The following ATP2C2 variants were observed in gnomAD, a reference collection of about 807,000 sequenced individuals.
The protein encoded by ATP2C2 is ATPase secretory pathway Ca2+ transporting 2.
In ATP2C2, 171 loss-of-function variants were observed where a neutral mutation model predicts 110.8. The observed-to-expected ratio is 1.54, with a 90% CI of 1.36 to 1.75. ATP2C2 has a LOEUF of 1.75. Ranked by LOEUF, ATP2C2 falls within the 40% of genes most tolerant of loss-of-function variation. The pLI is 0.00. For missense variants in ATP2C2, 1,963 were observed against 1,235.0 expected, an observed-to-expected ratio of 1.59 and a Z score of -8.84; for synonymous variants, 804 against 508.4, an observed-to-expected ratio of 1.58 and a Z score of -7.82.
chr16:84,455,059 T>A (rs996557780), intron 21 of ATP2C2, 75 bp downstream of exon 21: 7 of 1,339,902 alleles, frequency 5.2e-6, no homozygotes, highest in Non-Finnish European at 6.1e-6. Context: ...AACCTGCTAC[T>A]GTGGAGATAG....
At chr16:84,451,726 T>G (rs1328026015) in intron 17 of ATP2C2, among the ~76,000 whole-genome samples, 195 bp from the exon 18 acceptor site, 2 of 152,134 alleles carry the variant, frequency 1.3e-5, no homozygotes. Context: ...TAATCCCAGC[T>G]ACTCAAGAGG....
chr16:84,460,797 A>G lies in ATP2C2; in HGVS notation c.2477A>G (p.Lys826Arg). 2.5e-6 allele frequency: 4 copies of G among 1,611,956 alleles called. No homozygotes were observed. Among genetic ancestry groups the G allele is most frequent in the Non-Finnish European group, 3.4e-6 (4 of 1,178,350 alleles). ...AGCGGGACCCTCTTTATCTTCTGGAAGGAGGTGAGCGAGGGTCACCCCGGC... is the reference window on the plus strand; with the variant it reads ...AGCGGGACCCTCTTTATCTTCTGGAGGGAGGTGAGCGAGGGTCACCCCGGC... ...IISGTLFIFW[K>R]EMPEDRASTP... The change falls in exon 24 of 27, where the codon AAG becomes AGG. Residue 826 changes from lysine (K) to arginine (R), a missense_variant. Physicochemically the swap from Lys to Arg is conservative, Grantham distance 26. Transcript: ENST00000262429.
intron 1 of ATP2C2, among the ~76,000 whole-genome samples, chr16:84,394,578 G>A (rs922458670): frequency 2.0e-5 from 3 of 152,066 alleles, no homozygotes; most frequent in Non-Finnish European, 4.4e-5. Flanking sequence ...TAAATGTATT[G>A]TCTCACAGTT....
chr16:84,413,564 T>C (rs1906577433), intron 6 of ATP2C2, among the ~76,000 whole-genome samples: 1 of 152,216 alleles, frequency 6.6e-6, no homozygotes, highest in Non-Finnish European at 1.5e-5. Flanking sequence ...AAATGATTTA[T>C]GTGATTTGAT....
At chr16:84,372,667 G>C (rs1415868435) in intron 1 of ATP2C2, among the ~76,000 whole-genome samples, 1 of 151,616 alleles carries the variant, frequency 6.6e-6, no homozygotes, top group Non-Finnish European at 1.5e-5. Context: ...CTCATGATCC[G>C]CCTGCCTCAG....
intron 7 of ATP2C2, among the ~76,000 whole-genome samples, chr16:84,420,564 G>A (rs71386833): frequency 0.17 from 25,488 of 150,954 alleles, 2,250 homozygotes; most frequent in South Asian, 0.26. Context: ...CCCCTCACCC[G>A]GGATCCCCTC....
chr16:84,437,225 C>G (rs1049341116), intron 11 of ATP2C2, among the ~76,000 whole-genome samples: 2 of 152,062 alleles, frequency 1.3e-5, no homozygotes, highest in Admixed American at 1.3e-4. Context: ...TCTCACTCTG[C>G]TACATAGGCT....
At position 84,439,417 on chromosome 16, in the gene ATP2C2, G is replaced by T. The variant is rs145163175; in HGVS notation, c.1112-10G>T. 6.9e-5 allele frequency: 112 copies of T among 1,614,036 alleles called. No individual in the cohort carries two copies. In the East Asian group the frequency reaches 2.3e-3, roughly 34 times the overall value. On this transcript the variant is annotated splice_polypyrimidine_tract_variant and intron_variant, in intron 12 of 26. Coordinates refer to ENST00000262429, the MANE Select transcript of ATP2C2 (RefSeq NM_014861.4). ...ACTTCTCTTCTATAAACTGGTGTTT[G>T]TTGTACCAGGTTGCTGCAGCGTTCT...
intron 1 of ATP2C2, among the ~76,000 whole-genome samples, chr16:84,376,565 C>A (rs1910263073): frequency 6.7e-6 from 1 of 150,018 alleles, no homozygotes; most frequent in African/African-American, 2.5e-5. Flanking sequence ...CATCAGCTAT[C>A]ATTGGTATTA....
intron 6 of ATP2C2, among the ~76,000 whole-genome samples, chr16:84,411,946 T>C (rs1223085229): frequency 6.6e-6 from 1 of 151,216 alleles, no homozygotes; most frequent in Non-Finnish European, 1.5e-5. Flanking sequence ...TTCTTTTCTT[T>C]TCTTTCTTTT....
intron 25 of ATP2C2, 27 bp downstream of exon 25, chr16:84,461,839 T>C: frequency 6.2e-7 from 1 of 1,610,618 alleles, no homozygotes; most frequent in East Asian, 2.2e-5. Context: ...CCCTCCTCGC[T>C]GCAGAGCTGC....
chr16:84,387,304 C>G (rs902409897), intron 1 of ATP2C2, among the ~76,000 whole-genome samples: 2 of 151,986 alleles, frequency 1.3e-5, no homozygotes, highest in Non-Finnish European at 2.9e-5. Flanking sequence ...AGTGGATCAC[C>G]TAAACTCAGG....
chr16:84,451,343 G>C (rs1001659369), intron 17 of ATP2C2, among the ~76,000 whole-genome samples: 1 of 152,140 alleles, frequency 6.6e-6, no homozygotes, highest in Non-Finnish European at 1.5e-5. Flanking sequence ...ATGAGATTTG[G>C]GTGGGGACAC....
intron 2 of ATP2C2, among the ~76,000 whole-genome samples, chr16:84,399,111 C>T (rs577168275): frequency 6.6e-6 from 1 of 152,198 alleles, no homozygotes; most frequent in African/African-American, 2.4e-5. Context: ...CTGGCCAGTG[C>T]AAGACAAACA....
At chr16:84,394,284 A>G (rs962083034) in intron 1 of ATP2C2, among the ~76,000 whole-genome samples, 4 of 152,104 alleles carry the variant, frequency 2.6e-5, no homozygotes, top group Non-Finnish European at 5.9e-5. Context: ...TACACTCACA[A>G]TGTCGTGTGA....
At chr16:84,368,857 C>A (rs559901303) in intron 1 of ATP2C2, 143 bp downstream of exon 1, 29 of 727,844 alleles carry the variant, frequency 4.0e-5, no homozygotes, top group Non-Finnish European at 6.1e-5. Context: ...AAGCTGTCCT[C>A]ACAGCAACCG....
intron 11 of ATP2C2, among the ~76,000 whole-genome samples, chr16:84,431,811 G>C (rs1213547812): frequency 6.6e-6 from 1 of 152,172 alleles, no homozygotes; most frequent in Non-Finnish European, 1.5e-5. Context: ...CACTTTGGAA[G>C]CAGAGAGATG....
intron 16 of ATP2C2, among the ~76,000 whole-genome samples, chr16:84,447,846 AT>A (rs1555566037): frequency 1.8e-5 from 1 of 56,332 alleles, no homozygotes; most frequent in African/African-American, 4.9e-5. Flanking sequence ...TGTAATTAAT[AT>A]TATATTTATT....
chr16:84,403,910 C>G (rs1322626066), intron 2 of ATP2C2, among the ~76,000 whole-genome samples: 2 of 152,168 alleles, frequency 1.3e-5, no homozygotes, highest in African/African-American at 4.8e-5. Context: ...AGGCTGCTCT[C>G]GAACTCCCGA....
Sources: gnomAD v4.1 joint callset for allele counts (sites outside exome capture counted in the v4.1 genomes callset) on GRCh38, gnomAD v4.1.1 for gene constraint, MANE v1.5 for transcripts, NCBI Gene and HGNC (gene_info 2026-07-23, HGNC 2026-07-21) for gene names.